The following PLOD2 variants were observed in gnomAD, a reference collection of about 807,000 sequenced individuals.
PLOD2 encodes the protein procollagen-lysine,2-oxoglutarate 5-dioxygenase 2, also known as lysine hydroxylase 2.
PLOD2 carries 65 observed loss-of-function variants against 101.0 expected under a neutral mutation model. The observed-to-expected ratio is 0.64, with a 90% CI of 0.53 to 0.79. The LOEUF is 0.79. Ranked by LOEUF, PLOD2 falls within the 30% of genes least tolerant of loss-of-function variation. The pLI is 0.00. For synonymous variants in PLOD2, 314 were observed against 302.9 expected (o/e 1.04, Z -0.38); for missense variants, 909 against 914.6 (o/e 0.99, Z 0.08).
chr3:146,078,226 A>G (rs1458937330), intron 13 of PLOD2, among the ~76,000 whole-genome samples: 1 of 151,850 alleles, frequency 6.6e-6, no homozygotes, highest in Non-Finnish European at 1.5e-5. Context: ...AAGAGAGGCC[A>G]TTCCATGATG....
rs1459361057 is a variant in PLOD2 at position 146,079,158 on chromosome 3, T to C, written c.1458A>G (p.Lys486=). ...MNERNYFVRD[K]LDPDMALCRN... is the part of the protein sequence containing the mutation. ...GGCAAAGAGCCATATCAGGATCCAG[T>C]TTATCACGAACAAAATAGTTCCTTT... Residue 486 remains lysine (K), a synonymous_variant, in exon 13 of 20, where the codon AAA becomes AAG. Coordinates refer to ENST00000282903, the MANE Select transcript of PLOD2 (RefSeq NM_182943.3). 2.5e-6 allele frequency: 4 copies of C among 1,612,900 alleles called. No homozygotes were observed. The highest frequency in any genetic ancestry group is 1.7e-6 in the Non-Finnish European group (2 of 1,179,040).
rs1255302357 is a variant in PLOD2 at position 146,139,789 on chromosome 3, T to C, written c.110-15560A>G. ...AAGAAATTTATTACAAGGCTTAGAA[T>C]ATACACATTGAAACAGCACTAGGGA... is the stretch of plus-strand genomic sequence containing the variant. On this transcript the variant is annotated intron_variant, in intron 1 of 19. Transcript: ENST00000282903. Among the ~76,000 whole-genome samples, 32 of 152,142 alleles carry C rather than the reference T, an allele frequency of 2.1e-4. 1 individual carries two copies. Among genetic ancestry groups the C allele is most frequent in the Admixed American group, 2.0e-3 (30 of 15,260 alleles).
chr3:146,094,932 C>T (rs1327932272), intron 7 of PLOD2, among the ~76,000 whole-genome samples: 2 of 152,268 alleles, frequency 1.3e-5, no homozygotes, highest in South Asian at 2.1e-4. Flanking sequence ...CTACAACCAT[C>T]TGATCTTCGA....
chr3:146,157,765 GGAT>G (rs1339475686), intron 1 of PLOD2, among the ~76,000 whole-genome samples: 2 of 152,252 alleles, frequency 1.3e-5, no homozygotes, highest in South Asian at 2.1e-4. Context: ...GTCTGTTTAT[GGAT>G]GATATGTCAT....
intron 7 of PLOD2, among the ~76,000 whole-genome samples, chr3:146,094,147 C>A (rs1200768901): frequency 1.3e-5 from 2 of 152,158 alleles, no homozygotes; most frequent in Admixed American, 1.3e-4. Flanking sequence ...TTTCCTGATT[C>A]TTCTTTCACA....
intron 1 of PLOD2, among the ~76,000 whole-genome samples, chr3:146,130,141 T>C (rs1486591223): frequency 2.6e-5 from 4 of 152,194 alleles, no homozygotes; most frequent in Admixed American, 6.5e-5. Context: ...CCTGTATTTT[T>C]ATTTTCTAAT....
At chr3:146,092,020 C>G (rs1348581373) in intron 7 of PLOD2, 119 bp from the exon 8 acceptor site, 3 of 678,992 alleles carry the variant, frequency 4.4e-6, no homozygotes, top group Non-Finnish European at 8.2e-6. Context: ...TTTAGTAATT[C>G]TACTAATATA....
chr3:146,145,347 ATG>A (rs2031728180), intron 1 of PLOD2, among the ~76,000 whole-genome samples: 1 of 152,204 alleles, frequency 6.6e-6, no homozygotes, highest in African/African-American at 2.4e-5. Flanking sequence ...AGTTTTGTCT[ATG>A]TGTTAATTTG....
At chr3:146,097,328 A>G (rs1202773400) in intron 7 of PLOD2, among the ~76,000 whole-genome samples, 1 of 146,770 alleles carries the variant, frequency 6.8e-6, no homozygotes. Context: ...ATGGGCCATG[A>G]TGACAATGGC....
Position 146,131,565 on chromosome 3 carries a change from C to A in PLOD2, c.110-7336G>T, listed in dbSNP as rs568401161. Among the ~76,000 whole-genome samples, 8 of 152,294 alleles carry A rather than the reference C, an allele frequency of 5.3e-5. No individual in the cohort carries two copies. The South Asian group carries it at 1.7e-3, about 32-fold the overall frequency. ...CCCTGCTCTTCCACTGACTGAAAGT[C>A]ATTTCCTTTAATGTGAATTATGACC... On this transcript the variant is annotated intron_variant, in intron 1 of 19. Coordinates refer to ENST00000282903, the MANE Select transcript of PLOD2 (RefSeq NM_182943.3).
intron 7 of PLOD2, among the ~76,000 whole-genome samples, chr3:146,097,117 G>A (rs1480558690): frequency 2.3e-4 from 35 of 149,586 alleles, no homozygotes; most frequent in African/African-American, 8.3e-4. Context: ...GCCCTGTCCA[G>A]GAGGGAGGTG....
rs1453765233 is a variant in PLOD2, at chr3:146,070,840, G to A, written c.2154C>T (p.Cys718=). 1.2e-6 allele frequency: 2 copies of A among 1,610,370 alleles called. No homozygotes were observed. Among genetic ancestry groups the A allele is most frequent in the East Asian group, 2.2e-5 (1 of 44,758 alleles). ...GGGCKFLRYN[C]SIESPRKGWS... ...AGCCTTTTCGTGGTGACTCAATAGA[G>A]CAATTGTACCTTAGAAATTTGCAAC... The change falls in exon 20 of 20, where the codon TGC becomes TGT. Residue 718 remains cysteine (C), a synonymous_variant. Transcript: ENST00000282903.
chr3:146,103,541 C>G (rs767712433), intron 6 of PLOD2, among the ~76,000 whole-genome samples: 2 of 151,466 alleles, frequency 1.3e-5, no homozygotes, highest in Non-Finnish European at 2.9e-5. Flanking sequence ...GTCATTGCAG[C>G]CTCGAACTCC....
intron 5 of PLOD2, among the ~76,000 whole-genome samples, chr3:146,104,543 AC>A (rs1487744367): frequency 6.6e-6 from 1 of 152,246 alleles, no homozygotes; most frequent in Non-Finnish European, 1.5e-5. Flanking sequence ...TGCAAAATAC[AC>A]TTAAAGAAAA....
chr3:146,160,921 ACAGGGATTC>A lies in PLOD2; in HGVS notation c.60_68del (p.Trp20_Pro22del). 1 of 1,598,440 alleles carries A rather than the reference ACAGGGATTC, an allele frequency of 6.3e-7. No homozygotes were observed. Among genetic ancestry groups the A allele is most frequent in the Non-Finnish European group, 8.5e-7 (1 of 1,172,814 alleles). On this transcript the variant is annotated inframe_deletion, in exon 1 of 20. Coordinates refer to ENST00000282903, the MANE Select transcript of PLOD2 (RefSeq NM_182943.3). ...AGGGCTTCTCCGAGTCCGCACCCAGACAGGGATTCCAGGGGTGGAGGACGAGCGCCAGGA... is the reference window on the plus strand; with the variant it reads ...AGGGCTTCTCCGAGTCCGCACCCAGACAGGGGTGGAGGACGAGCGCCAGGA...
At chr3:146,144,940 T>A (rs1275507454) in intron 1 of PLOD2, among the ~76,000 whole-genome samples, 1 of 152,128 alleles carries the variant, frequency 6.6e-6, no homozygotes, top group Non-Finnish European at 1.5e-5. Context: ...CTTAACTATC[T>A]CTGTTTTCAG....
chr3:146,127,823 C>A (rs1043192206), intron 1 of PLOD2, among the ~76,000 whole-genome samples: 3 of 152,094 alleles, frequency 2.0e-5, no homozygotes, highest in African/African-American at 4.8e-5. Flanking sequence ...TACCATTTCA[C>A]ACCAGTCAGA....
chr3:146,076,899 T>C lies in PLOD2; in HGVS notation c.1564-4A>G, dbSNP rs375780156. On this transcript the variant is annotated splice_region_variant and splice_polypyrimidine_tract_variant and intron_variant, in intron 14 of 19. Transcript: ENST00000282903. The stretch of plus-strand genomic sequence containing the variant: ...TAGAAATGTACATAAATACACCCTA[T>C]ATGCCAGAAAATAACAGTATTAATC... 8.0e-6 allele frequency: 12 copies of C among 1,504,962 alleles called. No homozygotes were observed. In the African/African-American group the frequency reaches 1.2e-4, roughly 16 times the overall value. 93.2% of individuals were successfully genotyped at this position (1,504,962 alleles called of 1,614,324 possible).
intron 7 of PLOD2, among the ~76,000 whole-genome samples, chr3:146,092,426 T>C (rs938914758): frequency 1.3e-5 from 2 of 152,036 alleles, no homozygotes; most frequent in Admixed American, 6.6e-5. Flanking sequence ...TCCAGGAAAC[T>C]ATGCTACTAT....
Sources: gnomAD v4.1 joint callset for allele counts (sites outside exome capture counted in the v4.1 genomes callset) on GRCh38, gnomAD v4.1.1 for gene constraint, MANE v1.5 for transcripts, NCBI Gene and HGNC (gene_info 2026-07-23, HGNC 2026-07-21) for gene names.